RUNX2: variants seen among roughly 807,000 people sequenced by gnomAD.
RUNX2 encodes the protein runt-related transcription factor 2.
RUNX2 carries 10 observed loss-of-function variants against 51.7 expected under a neutral mutation model. The ratio of observed to expected loss-of-function variants is 0.19; its 90% CI spans 0.12 to 0.33. The LOEUF is 0.33. RUNX2 is among the 10% of genes least tolerant of loss of function. The probability of loss-of-function intolerance (pLI) is 1.00; values close to 1 mark genes in which losing one functional copy is unlikely to be tolerated. For missense variants in RUNX2, 562 were observed against 691.3 expected (o/e 0.81, Z 2.10); for synonymous variants, 276 against 273.6 (o/e 1.01, Z -0.09).
At chr6:45,461,249 A>G (rs1483986598) in intron 5 of RUNX2, among the ~76,000 whole-genome samples, 1 of 152,216 alleles carries the variant, frequency 6.6e-6, no homozygotes, top group Non-Finnish European at 1.5e-5. Context: ...TGAACTCCCC[A>G]ACAAGATAGT....
rs1378323812 is a variant in RUNX2, at chr6:45,549,230, A to T, written c.*1925A>T. ...CTCCCCGAAAAGTCAGGGTCCCTTC[A>T]TTGGAATCCTCCACCCACCCAAGCA... On this transcript the variant is annotated 3_prime_UTR_variant, in exon 9 of 9. Transcript: ENST00000647337. 2.5e-6 allele frequency: 1 copy of T among 398,494 alleles called. No individual in the cohort carries two copies. The highest frequency in any genetic ancestry group is 3.6e-5 in the East Asian group (1 of 28,050). 24.7% of individuals were successfully genotyped at this position (398,494 alleles called of 1,614,324 possible). A position where few individuals can be genotyped will look rare whatever the true frequency, so the allele number is the denominator to read the frequency against.
chr6:45,403,902 G>C (rs1309123754), intron 2 of RUNX2, among the ~76,000 whole-genome samples: 1 of 152,136 alleles, frequency 6.6e-6, no homozygotes, highest in Non-Finnish European at 1.5e-5. Context: ...GGATGGTGTG[G>C]GGAGAGAAAA....
At chr6:45,377,779 G>C (rs989544284) in intron 2 of RUNX2, 2 of 152,520 alleles carry the variant, frequency 1.3e-5, no homozygotes, top group African/African-American at 4.8e-5. Flanking sequence ...TCTGCTTTAA[G>C]AACCCTTGGA....
intron 2 of RUNX2, among the ~76,000 whole-genome samples, chr6:45,373,111 T>C (rs1796318013): frequency 6.6e-6 from 1 of 152,080 alleles, no homozygotes; most frequent in Non-Finnish European, 1.5e-5. Flanking sequence ...CCGGCCCAGC[T>C]AATTTTTGTT....
chr6:45,332,453 C>A (rs1787707584), intron 2 of RUNX2, among the ~76,000 whole-genome samples: 1 of 151,732 alleles, frequency 6.6e-6, no homozygotes, highest in African/African-American at 2.4e-5. Flanking sequence ...TGCACCCGTG[C>A]ATACTTGAAA....
intron 7 of RUNX2, among the ~76,000 whole-genome samples, chr6:45,513,947 T>C (rs1489017054): frequency 1.3e-5 from 2 of 152,206 alleles, no homozygotes; most frequent in Non-Finnish European, 2.9e-5. Context: ...GTTCTGGTTA[T>C]TCCTTCTGCA....
chr6:45,449,354 G>A (rs1211967684), intron 5 of RUNX2, among the ~76,000 whole-genome samples: 2 of 152,204 alleles, frequency 1.3e-5, no homozygotes, highest in Non-Finnish European at 2.9e-5. Context: ...GCGCCTTTCT[G>A]CCAAGGAGTT....
intron 3 of RUNX2, among the ~76,000 whole-genome samples, chr6:45,428,855 T>TTTC (rs1554385696): frequency 6.7e-6 from 1 of 149,978 alleles, no homozygotes. Context: ...TTTTTTTTTT[T>TTTC]CGGAAATGTA....
chr6:45,528,311 C>T (rs560056872), intron 7 of RUNX2, among the ~76,000 whole-genome samples: 32 of 152,240 alleles, frequency 2.1e-4, no homozygotes, highest in African/African-American at 7.5e-4. Context: ...CACACCAGTT[C>T]CTTCTACTGC....
At chr6:45,363,062 C>A (rs1463600133) in intron 2 of RUNX2, among the ~76,000 whole-genome samples, 3 of 151,808 alleles carry the variant, frequency 2.0e-5, no homozygotes, top group African/African-American at 7.3e-5. Context: ...AGGCAACTGT[C>A]TTTTACAGAT....
intron 2 of RUNX2, among the ~76,000 whole-genome samples, chr6:45,390,615 C>T (rs1034148982): frequency 1.3e-5 from 2 of 151,954 alleles, no homozygotes; most frequent in Non-Finnish European, 2.9e-5. Flanking sequence ...GAACAGATCA[C>T]TCATTTGAGA....
At chr6:45,372,024 A>G in intron 2 of RUNX2, 2 of 957,806 alleles carry the variant, frequency 2.1e-6, no homozygotes, top group Non-Finnish European at 2.5e-6. Flanking sequence ...CAAAGAATAT[A>G]CAAATAAAAG....
At chr6:45,355,138 CTTT>C (rs1205511889) in intron 2 of RUNX2, among the ~76,000 whole-genome samples, 2 of 131,638 alleles carry the variant, frequency 1.5e-5, no homozygotes, top group Non-Finnish European at 1.6e-5. Context: ...AAAGACCTGG[CTTT>C]TTTTTTTTTT....
chr6:45,345,944 A>T (rs1790762877), intron 2 of RUNX2, among the ~76,000 whole-genome samples: 1 of 152,078 alleles, frequency 6.6e-6, no homozygotes, highest in South Asian at 2.1e-4. Context: ...TGTGTCTTTG[A>T]TCATGCTGTC....
chr6:45,344,593 G>A (rs890017837), intron 2 of RUNX2, among the ~76,000 whole-genome samples: 5 of 151,990 alleles, frequency 3.3e-5, no homozygotes, highest in African/African-American at 9.7e-5. Flanking sequence ...AAACTATTAA[G>A]AGGCCACAAA....
intron 2 of RUNX2, among the ~76,000 whole-genome samples, chr6:45,341,544 A>T (rs986405494): frequency 6.6e-6 from 1 of 152,232 alleles, no homozygotes; most frequent in Admixed American, 6.5e-5. Flanking sequence ...ACAAATTTTC[A>T]TATTAGTTTT....
At chr6:45,334,395 AT>A (rs924027541) in intron 2 of RUNX2, among the ~76,000 whole-genome samples, 5 of 143,866 alleles carry the variant, frequency 3.5e-5, no homozygotes, top group African/African-American at 1.3e-4. Flanking sequence ...TTATTTACAT[AT>A]TCCTTATAGT....
At chr6:45,429,080 A>G (rs1022343790) in intron 3 of RUNX2, among the ~76,000 whole-genome samples, 16 of 152,186 alleles carry the variant, frequency 1.1e-4, no homozygotes, top group African/African-American at 3.6e-4. Flanking sequence ...ATTACACTCT[A>G]TACTTATATA....
At chr6:45,356,755 C>A (rs1055205607) in intron 2 of RUNX2, among the ~76,000 whole-genome samples, 23 of 152,082 alleles carry the variant, frequency 1.5e-4, no homozygotes, top group African/African-American at 4.8e-4. Flanking sequence ...AGTCTCACAT[C>A]TAGAGATAAT....
Sources: gnomAD v4.1 joint callset for allele counts (sites outside exome capture counted in the v4.1 genomes callset) on GRCh38, gnomAD v4.1.1 for gene constraint, MANE v1.5 for transcripts, NCBI Gene and HGNC (gene_info 2026-07-23, HGNC 2026-07-21) for gene names.